CTNND2: variants seen among roughly 807,000 people sequenced by gnomAD.
CTNND2 encodes catenin delta-2.
A neutral mutation model predicts 144.4 loss-of-function variants in CTNND2; 22 were observed. The observed-to-expected ratio is 0.15, with a 90% CI of 0.11 to 0.22. The LOEUF (loss-of-function observed/expected upper bound fraction) is 0.22, where lower values mean the gene tolerates loss of function less well. Ranked by LOEUF, CTNND2 falls within the 10% of genes least tolerant of loss-of-function variation. CTNND2 has a pLI of 1.00. For missense variants in CTNND2, 1,353 were observed against 1,618.8 expected (o/e 0.84, Z 2.82); for synonymous variants, 751 against 695.6 (o/e 1.08, Z -1.25).
At chr5:11,407,005 TTA>T (rs1491089061) in intron 5 of CTNND2, among the ~76,000 whole-genome samples, 1 of 139,766 alleles carries the variant, frequency 7.2e-6, no homozygotes, top group East Asian at 2.0e-4. Flanking sequence ...AACATACGAG[TTA>T]TTTTTTTCCA....
chr5:11,258,267 G>T (rs937276797), intron 9 of CTNND2, among the ~76,000 whole-genome samples: 1 of 152,180 alleles, frequency 6.6e-6, no homozygotes, highest in African/African-American at 2.4e-5. Flanking sequence ...GGCCCAAAGA[G>T]GGAATGGAGA....
At chr5:11,467,278 G>A (rs905575406) in intron 3 of CTNND2, among the ~76,000 whole-genome samples, 2 of 152,248 alleles carry the variant, frequency 1.3e-5, no homozygotes, top group African/African-American at 4.8e-5. Flanking sequence ...GCTCCGCTAT[G>A]TGCTTGCTTC....
At chr5:11,526,194 G>A (rs772897418) in intron 3 of CTNND2, among the ~76,000 whole-genome samples, 1 of 152,124 alleles carries the variant, frequency 6.6e-6, no homozygotes, top group African/African-American at 2.4e-5. Context: ...GAGCCACCAT[G>A]CCCGGTCTAT....
intron 1 of CTNND2, among the ~76,000 whole-genome samples, chr5:11,812,810 A>G (rs1357585503): frequency 6.6e-6 from 1 of 152,148 alleles, no homozygotes; most frequent in Non-Finnish European, 1.5e-5. Flanking sequence ...CAGTGCTGGG[A>G]ACCACACAAA....
chr5:11,000,661 AC>A (rs1284654662), intron 18 of CTNND2, among the ~76,000 whole-genome samples: 1 of 152,194 alleles, frequency 6.6e-6, no homozygotes, highest in Non-Finnish European at 1.5e-5. Flanking sequence ...TGGCTTGCTA[AC>A]CCTGGGTGTC....
chr5:11,445,042 G>A (rs1764680078), intron 3 of CTNND2, among the ~76,000 whole-genome samples: 1 of 152,160 alleles, frequency 6.6e-6, no homozygotes, highest in Non-Finnish European at 1.5e-5. Context: ...CATAAACTGG[G>A]TGCTTCATAA....
chr5:11,637,018 G>A (rs1178459104), intron 2 of CTNND2, among the ~76,000 whole-genome samples: 1 of 152,050 alleles, frequency 6.6e-6, no homozygotes. Context: ...ATGAAAAGGA[G>A]TTATTACCTC....
intron 1 of CTNND2, among the ~76,000 whole-genome samples, chr5:11,861,666 C>G (rs1202258185): frequency 6.6e-6 from 1 of 152,184 alleles, no homozygotes; most frequent in Non-Finnish European, 1.5e-5. Flanking sequence ...AAAACATGAA[C>G]TCGATCACGT....
chr5:11,459,732 T>C (rs1268264511), intron 3 of CTNND2, among the ~76,000 whole-genome samples: 4 of 152,174 alleles, frequency 2.6e-5, no homozygotes, highest in African/African-American at 9.7e-5. Context: ...ACAATAAAAC[T>C]TTTGTATATT....
intron 3 of CTNND2, among the ~76,000 whole-genome samples, chr5:11,423,744 T>A (rs1290701777): frequency 2.0e-5 from 3 of 152,208 alleles, no homozygotes; most frequent in Non-Finnish European, 4.4e-5. Context: ...ACATATGTCA[T>A]CTACTACAGG....
intron 2 of CTNND2, among the ~76,000 whole-genome samples, chr5:11,720,447 G>A (rs1786605599): frequency 6.6e-6 from 1 of 152,100 alleles, no homozygotes; most frequent in African/African-American, 2.4e-5. Flanking sequence ...TTTATCCTAA[G>A]CTCTTCTCAG....
At chr5:11,751,185 C>G (rs1265319828) in intron 1 of CTNND2, among the ~76,000 whole-genome samples, 2 of 151,834 alleles carry the variant, frequency 1.3e-5, no homozygotes, top group African/African-American at 4.8e-5. Context: ...TCTTTTCCAC[C>G]ATTCATTCTG....
At chr5:11,156,735 GACT>G (rs10545838) in intron 12 of CTNND2, among the ~76,000 whole-genome samples, 106,726 of 151,766 alleles carry the variant, frequency 0.7, 38,800 homozygotes, top group African/African-American at 0.9. Flanking sequence ...GAGGTCAAGA[GACT>G]ACTTGCACTT....
At chr5:11,268,323 C>G (rs1365051143) in intron 9 of CTNND2, among the ~76,000 whole-genome samples, 1 of 152,210 alleles carries the variant, frequency 6.6e-6, no homozygotes, top group South Asian at 2.1e-4. Flanking sequence ...TAGCTCATGC[C>G]TGCAATCCCA....
chr5:11,045,806 G>A (rs773373324), intron 16 of CTNND2, among the ~76,000 whole-genome samples: 4 of 152,044 alleles, frequency 2.6e-5, no homozygotes, highest in Non-Finnish European at 5.9e-5. Context: ...ACAGATTTTT[G>A]GGGGGCCACC....
intron 7 of CTNND2, among the ~76,000 whole-genome samples, chr5:11,377,645 G>A (rs1041581747): frequency 4.6e-5 from 7 of 152,128 alleles, no homozygotes; most frequent in Admixed American, 2.0e-4. Flanking sequence ...GATTTACAAG[G>A]ATGCTATGAG....
intron 16 of CTNND2, among the ~76,000 whole-genome samples, chr5:11,053,932 T>C (rs1268291769): frequency 2.0e-5 from 3 of 152,168 alleles, no homozygotes; most frequent in Admixed American, 6.5e-5. Flanking sequence ...TTGAAAGGAG[T>C]AAGTTGCTTT....
At chr5:11,296,164 T>A (rs1748964821) in intron 9 of CTNND2, among the ~76,000 whole-genome samples, 1 of 151,476 alleles carries the variant, frequency 6.6e-6, no homozygotes. Flanking sequence ...CATCAACAAG[T>A]GGTTGAAGGA....
chr5:11,737,413 A>C (rs1170113174), intron 1 of CTNND2, among the ~76,000 whole-genome samples: 3 of 152,214 alleles, frequency 2.0e-5, no homozygotes, highest in Admixed American at 6.5e-5. Flanking sequence ...GTAGAATTAT[A>C]ATCTGCAAAT....
Sources: gnomAD v4.1 joint callset for allele counts (sites outside exome capture counted in the v4.1 genomes callset) on GRCh38, gnomAD v4.1.1 for gene constraint, MANE v1.5 for transcripts, NCBI Gene and HGNC (gene_info 2026-07-23, HGNC 2026-07-21) for gene names.